Variants in KCNIP4 observed in about 807,000 individuals in gnomAD.
The protein encoded by KCNIP4 is Kv channel-interacting protein 4.
Under a neutral mutation model 34.0 loss-of-function variants are expected in KCNIP4, and 12 were observed. That is an observed-to-expected ratio of 0.35 (90% CI 0.23 to 0.57). KCNIP4 has a LOEUF of 0.57. KCNIP4 is among the 20% of genes least tolerant of loss of function. The pLI is 0.83. For missense variants in KCNIP4, 238 were observed against 311.7 expected (o/e 0.76, Z 1.78); for synonymous variants, 124 against 102.2 (o/e 1.21, Z -1.29).
At chr4:21,288,818 C>T (rs943050255) in intron 1 of KCNIP4, among the ~76,000 whole-genome samples, 18 of 152,182 alleles carry the variant, frequency 1.2e-4, no homozygotes, top group Non-Finnish European at 2.5e-4. Flanking sequence ...TGTATGAGAA[C>T]ATGTGGTATT....
intron 1 of KCNIP4, among the ~76,000 whole-genome samples, chr4:21,230,999 T>C (rs925013122): frequency 2.6e-5 from 4 of 152,180 alleles, no homozygotes; most frequent in South Asian, 2.1e-4. Context: ...AGCGTTCCTA[T>C]TGGGGAATAA....
chr4:21,755,969 A>G (rs1717485679), intron 1 of KCNIP4, among the ~76,000 whole-genome samples: 1 of 152,192 alleles, frequency 6.6e-6, no homozygotes, highest in African/African-American at 2.4e-5. Context: ...TGGCTCTATC[A>G]CCTCTGAAAC....
intron 3 of KCNIP4, among the ~76,000 whole-genome samples, chr4:20,845,310 C>T (rs377445314): frequency 1.1e-4 from 17 of 152,186 alleles, no homozygotes; most frequent in East Asian, 3.9e-4. Flanking sequence ...GGTAACCCTG[C>T]GACATTCTAC....
intron 1 of KCNIP4, among the ~76,000 whole-genome samples, chr4:21,308,335 A>T (rs1337191961): frequency 1.3e-5 from 2 of 152,200 alleles, no homozygotes; most frequent in East Asian, 3.9e-4. Flanking sequence ...AATGATACTT[A>T]ATCTCCGTGG....
intron 1 of KCNIP4, among the ~76,000 whole-genome samples, chr4:21,235,130 T>C (rs73802515): frequency 0.029 from 4,449 of 152,284 alleles, 198 homozygotes; most frequent in African/African-American, 0.094. Context: ...TCAGTGTCTA[T>C]TGGCTATGAA....
chr4:21,640,733 C>T (rs529444128), intron 1 of KCNIP4, among the ~76,000 whole-genome samples: 1 of 152,212 alleles, frequency 6.6e-6, no homozygotes, highest in South Asian at 2.1e-4. Context: ...GCTACCCCAG[C>T]CTAGTAACAG....
intron 1 of KCNIP4, chr4:21,850,873 A>C (rs1171031202): frequency 6.6e-6 from 1 of 152,060 alleles, no homozygotes; most frequent in Non-Finnish European, 1.5e-5. Flanking sequence ...TTAACCGTGC[A>C]CTCAACATTT....
At chr4:20,998,851 C>T (rs1737804103) in intron 1 of KCNIP4, among the ~76,000 whole-genome samples, 1 of 152,154 alleles carries the variant, frequency 6.6e-6, no homozygotes, top group South Asian at 2.1e-4. Flanking sequence ...AGTTCTTATG[C>T]TTTTTTATTC....
intron 1 of KCNIP4, among the ~76,000 whole-genome samples, chr4:21,560,176 A>C (rs56186155): frequency 0.028 from 4,274 of 152,186 alleles, 60 homozygotes; most frequent in South Asian, 0.044. Flanking sequence ...ACAAGCGCCT[A>C]AATTGAACTT....
At chr4:21,794,950 C>A (rs1434922097) in intron 1 of KCNIP4, among the ~76,000 whole-genome samples, 1 of 152,088 alleles carries the variant, frequency 6.6e-6, no homozygotes, top group Non-Finnish European at 1.5e-5. Context: ...ACCTGAAGTT[C>A]CCTTCGTCTC....
intron 1 of KCNIP4, among the ~76,000 whole-genome samples, chr4:21,311,430 C>A (rs1321777169): frequency 1.3e-5 from 2 of 152,130 alleles, no homozygotes; most frequent in Non-Finnish European, 1.5e-5. Flanking sequence ...ATGGAAACCA[C>A]CTGTTATCCC....
Position 21,061,577 on chromosome 4 carries a change from A to G in KCNIP4, c.62-178868T>C, listed in dbSNP as rs542517173. Among the ~76,000 whole-genome samples the G allele has an allele frequency of 4.6e-5, 7 of 152,136 alleles. No homozygotes were observed. In the East Asian group the frequency reaches 1.2e-3, roughly 25 times the overall value. The stretch of plus-strand genomic sequence containing the variant: ...GAAAGGGGTTTAGATGATCTTACAT[A>G]ACAGAGGCTTTTAATCAAGCTGGAA... On this transcript the variant is annotated intron_variant, in intron 1 of 8. Transcript: ENST00000382152.
intron 1 of KCNIP4, among the ~76,000 whole-genome samples, chr4:21,586,744 A>C (rs889721247): frequency 1.3e-5 from 2 of 152,088 alleles, no homozygotes; most frequent in Non-Finnish European, 2.9e-5. Context: ...TTAGCTTCCA[A>C]GTCCATTTAT....
intron 1 of KCNIP4, among the ~76,000 whole-genome samples, chr4:21,446,129 T>G (rs1460953471): frequency 2.6e-5 from 4 of 152,024 alleles, no homozygotes; most frequent in Admixed American, 1.3e-4. Flanking sequence ...AAACAACAGG[T>G]GCTGGAGAGG....
chr4:21,027,853 A>G (rs1044426031), intron 1 of KCNIP4, among the ~76,000 whole-genome samples: 4 of 152,068 alleles, frequency 2.6e-5, no homozygotes, highest in Non-Finnish European at 4.4e-5. Context: ...ATCTTATCTA[A>G]CCTCATGGCT....
In KCNIP4 at chr4:21,292,888, T is replaced by A. The variant is rs115747099; in HGVS notation, c.62-410179A>T. Among the ~76,000 whole-genome samples, 282 of 152,180 alleles carry A rather than the reference T, an allele frequency of 1.9e-3. 2 individuals are homozygous for A. Among genetic ancestry groups the A allele is most frequent in the African/African-American group, 6.3e-3 (263 of 41,530 alleles). Reference sequence around the variant, plus strand: ...CCTCAGTGGTTTTTTCCCTATAGCATCCCCAGCACCTAGAAGAGTACCCAG... The same window carrying A: ...CCTCAGTGGTTTTTTCCCTATAGCAACCCCAGCACCTAGAAGAGTACCCAG... On this transcript the variant is annotated intron_variant, in intron 1 of 8. Transcript: ENST00000382152.
chr4:20,804,019 A>G (rs966668770), intron 3 of KCNIP4, among the ~76,000 whole-genome samples: 9 of 152,198 alleles, frequency 5.9e-5, no homozygotes, highest in African/African-American at 1.9e-4. Context: ...GTGATGATCA[A>G]ATGATATAAA....
intron 1 of KCNIP4, among the ~76,000 whole-genome samples, chr4:21,280,611 C>T (rs905577171): frequency 1.3e-5 from 2 of 152,048 alleles, no homozygotes; most frequent in Non-Finnish European, 1.5e-5. Context: ...CATTATTTTC[C>T]CCAAAAGTCC....
chr4:21,197,556 A>G (rs1277704933), intron 1 of KCNIP4, among the ~76,000 whole-genome samples: 2 of 152,140 alleles, frequency 1.3e-5, no homozygotes, highest in Non-Finnish European at 2.9e-5. Flanking sequence ...CTGAAAGAAT[A>G]CATTGATTCT....
Sources: allele counts gnomAD v4.1 joint callset (sites outside exome capture counted in the v4.1 genomes callset), GRCh38; gene constraint gnomAD v4.1.1; transcripts MANE v1.5; gene names NCBI Gene and HGNC (gene_info 2026-07-23, HGNC 2026-07-21).